Variants in MRPS23 observed in about 807,000 individuals in gnomAD.
MRPS23 encodes mitochondrial ribosomal protein S23, also known as small ribosomal subunit protein mS23.
MRPS23 carries 14 observed loss-of-function variants against 19.8 expected under a neutral mutation model. The ratio of observed to expected loss-of-function variants is 0.71; its 90% CI spans 0.47 to 1.11. The LOEUF (loss-of-function observed/expected upper bound fraction) is 1.11. Ranked by LOEUF, MRPS23 falls within the 50% of genes least tolerant of loss-of-function variation. The pLI, the probability that MRPS23 is intolerant of heterozygous loss-of-function variation, is 0.00. For synonymous variants in MRPS23, 113 were observed against 89.7 expected, an observed-to-expected ratio of 1.26 and a Z score of -1.47; for missense variants, 242 against 236.7, an observed-to-expected ratio of 1.02 and a Z score of -0.15.
chr17:57,839,622 C>T lies in MRPS23; in HGVS notation c.*161G>A. 1 of 811,844 alleles carries T rather than the reference C, an allele frequency of 1.2e-6. No homozygotes were observed. The allele number at this position is 811,844 out of a possible 1,614,324, so 50.3% of individuals were successfully genotyped here. A position where few individuals can be genotyped will look rare whatever the true frequency, so the allele number is the denominator to read the frequency against. On this transcript the variant is annotated 3_prime_UTR_variant, in exon 5 of 5. Transcript: ENST00000313608. ...GTTCACATAACTGCTTCTGTCAAAC[C>T]ATGATACTGAGCTTTGTGACAACCC...
In MRPS23 at chr17:57,849,406, G is replaced by T. The variant is rs1181230077; in HGVS notation, c.49C>A (p.Arg17=). 6.2e-7 allele frequency: 1 copy of T among 1,613,630 alleles called. No individual in the cohort carries two copies. Among genetic ancestry groups the T allele is most frequent in the Non-Finnish European group, 8.5e-7 (1 of 1,179,906 alleles). Residue 17 remains arginine (R), a synonymous_variant, in exon 2 of 5, where the codon CGG becomes AGG. Transcript: ENST00000313608. ...ETVGSIFSRT[R]DLVRAGVLKE... is the part of the protein sequence containing the mutation. The stretch of plus-strand genomic sequence containing the variant: ...AGCACCCCGGCCCGAACCAGGTCCC[G>T]AGTCCTTAGGGAGGGAACAGAACGA...
chr17:57,844,903 T>C (rs776392153), intron 2 of MRPS23, among the ~76,000 whole-genome samples: 2 of 152,080 alleles, frequency 1.3e-5, no homozygotes, highest in Non-Finnish European at 2.9e-5. Flanking sequence ...TTTTTATTTA[T>C]TTATTTATTT....
At chr17:57,839,972 T>C (rs754540771) in intron 4 of MRPS23, 37 bp from the exon 5 acceptor site, 14 of 1,607,862 alleles carry the variant, frequency 8.7e-6, no homozygotes, top group Admixed American at 3.4e-5. Context: ...AGAGATGTTA[T>C]CATTTTCACT....
intron 1 of MRPS23, 184 bp downstream of exon 1, chr17:57,849,783 G>A: frequency 1.4e-6 from 1 of 693,894 alleles, no homozygotes; most frequent in Non-Finnish European, 2.3e-6. Flanking sequence ...AATTCAAGGA[G>A]AGGCATCCTC....
rs1214424673 is a variant in MRPS23, at chr17:57,849,987, G to C, written c.24C>G (p.Thr8=). 1.3e-6 allele frequency: 2 copies of C among 1,591,268 alleles called. No homozygotes were observed. Among genetic ancestry groups the C allele is most frequent in the East Asian group, 2.3e-5 (1 of 43,596 alleles). MAGSRLE[T]VGSIFSRTRD... is the part of the protein sequence containing the mutation. ...CACACCGAGAGAAGATGCTCCCTAC[G>C]GTTTCCAGCCGGCTGCCTGCCATGA... The change falls in exon 1 of 5, where the codon ACC becomes ACG. Residue 8 remains threonine, a synonymous_variant. Coordinates refer to ENST00000313608, the MANE Select transcript of MRPS23 (RefSeq NM_016070.4).
chr17:57,843,977 A>G (rs1038117738), intron 2 of MRPS23, among the ~76,000 whole-genome samples: 3 of 152,048 alleles, frequency 2.0e-5, no homozygotes, highest in African/African-American at 7.2e-5. Flanking sequence ...TCTGAGTTTT[A>G]TATCATGCTT....
At chr17:57,848,395 G>A (rs2073790101) in intron 2 of MRPS23, among the ~76,000 whole-genome samples, 1 of 151,986 alleles carries the variant, frequency 6.6e-6, no homozygotes, top group African/African-American at 2.4e-5. Context: ...CAAATTCCTA[G>A]TGATTGTCTC....
rs148367645 is a variant in MRPS23 at position 57,839,911 on chromosome 17, G to A, written c.445C>T (p.Arg149Trp). Reference sequence around the variant, plus strand: ...CTGACACTCAAGTGTTCGGATTTCCGGGAAACGTGACTACCTCCGTGTTGC... The same window carrying A: ...CTGACACTCAAGTGTTCGGATTTCCAGGAAACGTGACTACCTCCGTGTTGC... Reference protein sequence around the residue: ...RTQHGGSHVSRKSEHLSVRPQ... With the variant: ...RTQHGGSHVSWKSEHLSVRPQ... Residue 149 changes from arginine (R) to tryptophan (W), a missense_variant, in exon 5 of 5, where the codon CGG becomes TGG. Coordinates refer to ENST00000313608, the MANE Select transcript of MRPS23 (RefSeq NM_016070.4). 51 of 1,614,138 alleles carry A rather than the reference G, an allele frequency of 3.2e-5. No individual in the cohort carries two copies. The highest frequency in any genetic ancestry group is 1.6e-4 in the Middle Eastern group (1 of 6,062).
At chr17:57,848,073 A>G in intron 2 of MRPS23, among the ~76,000 whole-genome samples, 1 of 152,146 alleles carries the variant, frequency 6.6e-6, no homozygotes, top group South Asian at 2.1e-4. Flanking sequence ...ACTGCTAATC[A>G]GAGTGTAAAC....
chr17:57,836,607 T>C lies in MRPS23; in HGVS notation c.*3176A>G, dbSNP rs559253515. The C allele has an allele frequency of 2.0e-5, 3 of 152,280 alleles. No individual in the cohort carries two copies. The highest frequency in any genetic ancestry group is 2.0e-4 in the Admixed American group (3 of 15,284). The allele number at this position is 152,280 out of a possible 1,614,324, so 9.4% of individuals were successfully genotyped here. On this transcript the variant is annotated 3_prime_UTR_variant, in exon 5 of 5. Transcript: ENST00000313608. ...CCTCTACTGTACTTTTATATCAAAG[T>C]TTAAAAGGATTCCTGTTCATCTTGC... is the stretch of plus-strand genomic sequence containing the variant.
chr17:57,841,647 T>C (rs1197062192), intron 2 of MRPS23, among the ~76,000 whole-genome samples: 1 of 152,216 alleles, frequency 6.6e-6, no homozygotes, highest in Non-Finnish European at 1.5e-5. Context: ...TAAACCTTGC[T>C]CTACATCTTG....
Position 57,835,608 on chromosome 17 carries a change from C to T in MRPS23, c.*4175G>A, listed in dbSNP as rs1353674450. 6.6e-6 allele frequency: 1 copy of T among 152,248 alleles called. No individual in the cohort carries two copies. The highest frequency in any genetic ancestry group is 6.5e-5 in the Admixed American group (1 of 15,276). The allele number at this position is 152,248 out of a possible 1,614,324, so 9.4% of individuals were successfully genotyped here. On this transcript the variant is annotated 3_prime_UTR_variant, in exon 5 of 5. Transcript: ENST00000313608. Reference sequence around the variant, plus strand: ...CCAGTTCAAATGGGCTTTTCCACTACTGCTCAAAATAGTAATAAAACCACC... The same window carrying T: ...CCAGTTCAAATGGGCTTTTCCACTATTGCTCAAAATAGTAATAAAACCACC...
rs532606359 is a variant in MRPS23 at position 57,842,194 on chromosome 17, T to C, written c.216-934A>G. 2.0e-5 allele frequency among the ~76,000 whole-genome samples: 3 copies of C among 152,272 alleles called. No homozygotes were observed. The East Asian group carries it at 5.8e-4, about 30-fold the overall frequency. ...CATGCCTGGCTAAGTTTTAAATTTTTGTAGAGATGCAGTCTCACTATGTTG... is the reference window on the plus strand; with the variant it reads ...CATGCCTGGCTAAGTTTTAAATTTTCGTAGAGATGCAGTCTCACTATGTTG... On this transcript the variant is annotated intron_variant, in intron 2 of 4. Transcript: ENST00000313608.
intron 2 of MRPS23, among the ~76,000 whole-genome samples, chr17:57,842,155 G>A (rs1295986988): frequency 6.6e-6 from 1 of 152,130 alleles, no homozygotes; most frequent in African/African-American, 2.4e-5. Flanking sequence ...GGAACTACAG[G>A]TTCGCAGCAC....
chr17:57,844,105 A>T (rs1439157725), intron 2 of MRPS23, among the ~76,000 whole-genome samples: 2 of 144,572 alleles, frequency 1.4e-5, no homozygotes, highest in African/African-American at 5.1e-5. Flanking sequence ...TGTTTTATTT[A>T]TTTTGTTGTA....
At position 57,841,072 on chromosome 17, in the gene MRPS23, CAT is replaced by C. The variant is rs1425175178; in HGVS notation, c.294-22_294-21del. On this transcript the variant is annotated intron_variant, in intron 3 of 4. Coordinates refer to ENST00000313608, the MANE Select transcript of MRPS23 (RefSeq NM_016070.4). ...ACAAACCTGTAATTCCAAGCAGTCA[CAT>C]TTTAGGTATGTTTGTAAGCATTGTT... The C allele has an allele frequency of 1.2e-6, 2 of 1,613,186 alleles. No homozygotes were observed. Among genetic ancestry groups the C allele is most frequent in the East Asian group, 4.5e-5 (2 of 44,890 alleles).
Position 57,839,617 on chromosome 17 carries a change from C to CA in MRPS23, c.*165dup. On this transcript the variant is annotated 3_prime_UTR_variant, in exon 5 of 5. Coordinates refer to ENST00000313608, the MANE Select transcript of MRPS23 (RefSeq NM_016070.4). ...TAAAAGTTCACATAACTGCTTCTGT[C>CA]AAACCATGATACTGAGCTTTGTGAC... 2 of 763,276 alleles carry CA rather than the reference C, an allele frequency of 2.6e-6. No individual in the cohort carries two copies. The highest frequency in any genetic ancestry group is 6.8e-5 in the South Asian group (2 of 29,626). The allele number at this position is 763,276 out of a possible 1,614,324, so 47.3% of individuals were successfully genotyped here.
At position 57,839,125 on chromosome 17, in the gene MRPS23, T is replaced by C. The variant is rs1415676164; in HGVS notation, c.*658A>G. On this transcript the variant is annotated 3_prime_UTR_variant, in exon 5 of 5. Coordinates refer to ENST00000313608, the MANE Select transcript of MRPS23 (RefSeq NM_016070.4). ...TCCAGTCTTTAGCTGGATATAACCA[T>C]TCGTTCACTCATTCATTCAACAAGT... is the stretch of plus-strand genomic sequence containing the variant. The C allele has an allele frequency of 6.6e-6, 1 of 152,248 alleles. No individual in the cohort carries two copies. The highest frequency in any genetic ancestry group is 2.4e-5 in the African/African-American group (1 of 41,464). 9.4% of individuals were successfully genotyped at this position (152,248 alleles called of 1,614,324 possible).
At chr17:57,845,989 A>G (rs1379521704) in intron 2 of MRPS23, among the ~76,000 whole-genome samples, 1 of 152,222 alleles carries the variant, frequency 6.6e-6, no homozygotes, top group African/African-American at 2.4e-5. Flanking sequence ...AGACAGGCTA[A>G]GGCCACAACA....
Sources: allele counts gnomAD v4.1 joint callset (sites outside exome capture counted in the v4.1 genomes callset), GRCh38; gene constraint gnomAD v4.1.1; transcripts MANE v1.5; gene names NCBI Gene and HGNC (gene_info 2026-07-23, HGNC 2026-07-21).